Variants in TNFSF4 observed in about 807,000 individuals in gnomAD.
TNFSF4 encodes the protein tumor necrosis factor ligand superfamily member 4.
A neutral mutation model predicts 7.3 loss-of-function variants in TNFSF4; 4 were observed. The observed-to-expected ratio is 0.55, with a 90% CI of 0.27 to 1.25. The LOEUF (loss-of-function observed/expected upper bound fraction) is 1.25. Ranked by LOEUF, TNFSF4 falls within the 50% of genes most tolerant of loss-of-function variation. TNFSF4 has a pLI of 0.12. For synonymous variants in TNFSF4, 76 were observed against 83.7 expected (o/e 0.91, Z 0.50); for missense variants, 181 against 208.8 (o/e 0.87, Z 0.82).
chr1:173,361,359 C>T, the TNFSF4 span, among the ~76,000 whole-genome samples: 1 of 152,098 alleles, frequency 6.6e-6, no homozygotes, highest in Non-Finnish European at 1.5e-5. Flanking sequence ...GTATGACCAA[C>T]AACTTATAGG....
At chr1:173,239,488 A>G in the TNFSF4 span, among the ~76,000 whole-genome samples, 1 of 152,158 alleles carries the variant, frequency 6.6e-6, no homozygotes, top group Non-Finnish European at 1.5e-5. Context: ...TATTTATGAA[A>G]AGTTTTCAAT....
the TNFSF4 span, chr1:173,362,934 T>C: frequency 1.6e-5 from 7 of 442,392 alleles, no homozygotes; most frequent in Admixed American, 1.6e-4. Flanking sequence ...TGCACCAAAA[T>C]AGTTCCTAGA....
chr1:173,207,432 CTT>C (rs553935126), upstream of TNFSF4: 98 of 292,902 alleles, frequency 3.3e-4, no homozygotes, highest in Middle Eastern at 9.3e-4. Flanking sequence ...TACTTTCTTT[CTT>C]TTTTTTTTTC....
chr1:173,361,987 A>G, the TNFSF4 span, among the ~76,000 whole-genome samples: 1 of 152,246 alleles, frequency 6.6e-6, no homozygotes, highest in Non-Finnish European at 1.5e-5. Flanking sequence ...GGCCATATAA[A>G]GGAATTCCTC....
At chr1:173,327,481 A>G in the TNFSF4 span, among the ~76,000 whole-genome samples, 5 of 151,664 alleles carry the variant, frequency 3.3e-5, no homozygotes, top group Admixed American at 6.6e-5. Flanking sequence ...AGCAATGGCA[A>G]CAAAAGCCAA....
chr1:173,179,468 AACCCACCACATTTC>A (rs1271899622), downstream of TNFSF4, among the ~76,000 whole-genome samples: 1 of 152,174 alleles, frequency 6.6e-6, no homozygotes, highest in African/African-American at 2.4e-5. Context: ...TGTTAGTACA[AACCCACCACATTTC>A]ACCCCTTGTC....
chr1:173,255,646 G>A, the TNFSF4 span, among the ~76,000 whole-genome samples: 3 of 152,202 alleles, frequency 2.0e-5, no homozygotes, highest in African/African-American at 7.2e-5. Context: ...AGTTTACACT[G>A]TTGACTAGTT....
chr1:173,232,818 C>T, the TNFSF4 span, among the ~76,000 whole-genome samples: 1 of 152,070 alleles, frequency 6.6e-6, no homozygotes, highest in Admixed American at 6.5e-5. Flanking sequence ...AGGGATGAGG[C>T]CCACTTGATC....
the TNFSF4 span, among the ~76,000 whole-genome samples, chr1:173,251,944 C>T: frequency 6.6e-6 from 1 of 152,046 alleles, no homozygotes; most frequent in Non-Finnish European, 1.5e-5. Context: ...TTGTTGAAGT[C>T]CTTTCTAGAA....
At chr1:173,310,237 T>A in the TNFSF4 span, among the ~76,000 whole-genome samples, 1 of 151,952 alleles carries the variant, frequency 6.6e-6, no homozygotes, top group Non-Finnish European at 1.5e-5. Flanking sequence ...AGATGACAAG[T>A]TTATTTACTT....
At chr1:173,249,671 G>A in the TNFSF4 span, among the ~76,000 whole-genome samples, 1 of 152,192 alleles carries the variant, frequency 6.6e-6, no homozygotes, top group East Asian at 1.9e-4. Flanking sequence ...CAAGCACACA[G>A]TATATTAACA....
chr1:173,318,551 A>G, the TNFSF4 span, among the ~76,000 whole-genome samples: 1 of 152,166 alleles, frequency 6.6e-6, no homozygotes, highest in South Asian at 2.1e-4. Flanking sequence ...AACAAAATAT[A>G]CTTTTCAAAT....
At chr1:173,183,089 G>A (rs1281509339), downstream of TNFSF4, among the ~76,000 whole-genome samples, 2 of 152,176 alleles carry the variant, frequency 1.3e-5, no homozygotes, top group African/African-American at 2.4e-5. Context: ...CACAGACATA[G>A]GCTAGACTGC....
At chr1:173,359,546 A>G in the TNFSF4 span, among the ~76,000 whole-genome samples, 1 of 144,246 alleles carries the variant, frequency 6.9e-6, no homozygotes, top group Non-Finnish European at 1.5e-5. Flanking sequence ...AAAAAACTAC[A>G]TCTGCTGACT....
the TNFSF4 span, among the ~76,000 whole-genome samples, chr1:173,251,110 T>G: frequency 0.21 from 32,433 of 152,012 alleles, 3,797 homozygotes; most frequent in Admixed American, 0.32. Context: ...AACACTTAGG[T>G]TTGGAAACGT....
At chr1:173,180,756 A>T (rs1649042659), downstream of TNFSF4, among the ~76,000 whole-genome samples, 1 of 152,206 alleles carries the variant, frequency 6.6e-6, no homozygotes, top group Non-Finnish European at 1.5e-5. Context: ...AATTTGGTAT[A>T]TTTTATCAAT....
the TNFSF4 span, among the ~76,000 whole-genome samples, chr1:173,293,025 A>G: frequency 6.6e-6 from 1 of 152,176 alleles, no homozygotes; most frequent in African/African-American, 2.4e-5. Flanking sequence ...TTCCATGCTC[A>G]TGGATAGGAA....
At chr1:173,355,663 G>A in the TNFSF4 span, among the ~76,000 whole-genome samples, 6 of 152,160 alleles carry the variant, frequency 3.9e-5, no homozygotes, top group African/African-American at 1.4e-4. Context: ...AGTGCAGAAC[G>A]CCCCCTCTTT....
the TNFSF4 span, among the ~76,000 whole-genome samples, chr1:173,382,420 G>A: frequency 6.6e-6 from 1 of 152,164 alleles, no homozygotes; most frequent in Admixed American, 6.5e-5. Flanking sequence ...GCAAGACCAA[G>A]AAACCACCAG....
Sources: gnomAD v4.1 joint callset for allele counts (sites outside exome capture counted in the v4.1 genomes callset) on GRCh38, gnomAD v4.1.1 for gene constraint, MANE v1.5 for transcripts, NCBI Gene and HGNC (gene_info 2026-07-23, HGNC 2026-07-21) for gene names.